PPIG: variants seen among roughly 807,000 people sequenced by gnomAD.
PPIG encodes the protein peptidylprolyl isomerase G.
In PPIG, 26 loss-of-function variants were observed where a neutral mutation model predicts 87.9. The observed-to-expected ratio is 0.30, with a 90% confidence interval of 0.22 to 0.41. The LOEUF is 0.41. Among genes scored for constraint, PPIG ranks in the 10% least tolerant of loss-of-function variants. PPIG has a pLI of 1.00. For missense variants in PPIG, 722 were observed against 879.4 expected (o/e 0.82, Z 2.26); for synonymous variants, 308 against 276.5 (o/e 1.11, Z -1.13).
chr2:169,607,233 A>G (rs1685357898), intron 6 of PPIG, 85 bp downstream of exon 6: 5 of 847,832 alleles, frequency 5.9e-6, no homozygotes, highest in Non-Finnish European at 9.2e-6. Context: ...AACATTATTC[A>G]TTAAAGGGTA....
At chr2:169,609,269 T>A (rs1198407381) in intron 7 of PPIG, among the ~76,000 whole-genome samples, 1 of 151,866 alleles carries the variant, frequency 6.6e-6, no homozygotes, top group Non-Finnish European at 1.5e-5. Flanking sequence ...AGTGCAGTGT[T>A]GCAATCATGG....
chr2:169,619,298 T>A (rs547233485), intron 9 of PPIG, among the ~76,000 whole-genome samples: 23 of 152,226 alleles, frequency 1.5e-4, no homozygotes, highest in African/African-American at 5.5e-4. Flanking sequence ...AATTATGTGG[T>A]CAATTTTAGA....
chr2:169,604,311 C>CTGGT (rs750354365), intron 4 of PPIG, 50 bp downstream of exon 4: 4 of 748,020 alleles, frequency 5.3e-6, no homozygotes, highest in Non-Finnish European at 8.4e-6. Context: ...TTGACTATGG[C>CTGGT]TTGCTTGCTT....
intron 1 of PPIG, among the ~76,000 whole-genome samples, chr2:169,595,317 C>T (rs530417482): frequency 1.6e-4 from 24 of 152,234 alleles, no homozygotes; most frequent in Admixed American, 2.6e-4. Flanking sequence ...TTATGGGTTA[C>T]GTGAGATATT....
rs760384585 is a variant in PPIG, at chr2:169,602,654, A to G, written c.-69-988A>G. ...TGTTTGTCAAAATGTGGCTACTGAA[A>G]AATTTTATACCTGGGTGGCTCATGT... On this transcript the variant is annotated intron_variant, in intron 1 of 13. Coordinates refer to ENST00000260970, the MANE Select transcript of PPIG (RefSeq NM_004792.3). 3.6e-4 allele frequency among the ~76,000 whole-genome samples: 55 copies of G among 152,178 alleles called. 1 individual carries two copies. The highest frequency in any genetic ancestry group is 2.0e-4 in the Admixed American group (3 of 15,284).
At chr2:169,619,416 G>C (rs1685684984) in intron 9 of PPIG, among the ~76,000 whole-genome samples, 1 of 152,170 alleles carries the variant, frequency 6.6e-6, no homozygotes, top group South Asian at 2.1e-4. Context: ...TTGAAATCCT[G>C]AATATCCTTG....
chr2:169,605,476 C>T (rs924469536), intron 4 of PPIG, among the ~76,000 whole-genome samples: 1 of 151,986 alleles, frequency 6.6e-6, no homozygotes. Context: ...GCACTCCAGC[C>T]TGGGCGACAA....
At chr2:169,632,198 A>G (rs1163227373) in intron 11 of PPIG, among the ~76,000 whole-genome samples, 1 of 152,250 alleles carries the variant, frequency 6.6e-6, no homozygotes, top group Non-Finnish European at 1.5e-5. Context: ...TTCCAAGCCA[A>G]TAACAAGATA....
chr2:169,605,898 T>A (rs1685313013), intron 4 of PPIG, 141 bp from the exon 5 acceptor site: 1 of 628,466 alleles, frequency 1.6e-6, no homozygotes, highest in Non-Finnish European at 2.8e-6. Flanking sequence ...TTAAATGAAT[T>A]TTTAAAAAAA....
Position 169,627,767 on chromosome 2 carries a change from C to T in PPIG, c.548-3007C>T, listed in dbSNP as rs1470382139. ...TGGGCTTGCTTTTAAAGTAAATCAA[C>T]TGTGATGTATTTCTCATAGGAAAGA... On this transcript the variant is annotated intron_variant, in intron 9 of 13. Transcript: ENST00000260970. Among the ~76,000 whole-genome samples the T allele has an allele frequency of 2.2e-5, 3 of 137,688 alleles. No individual in the cohort carries two copies. The East Asian group carries it at 6.7e-4, about 31-fold the overall frequency. 90.3% of individuals were successfully genotyped at this position (137,688 alleles called of 152,430 possible). A position where few individuals can be genotyped will look rare whatever the true frequency, so the allele number is the denominator to read the frequency against.
chr2:169,584,389 G>GA lies in PPIG; in HGVS notation c.-170dup, dbSNP rs146856309. ...TCCATGCCAGGACTGAGTTGTGGGG[G>GA]AGGGAGGCGGTTAGCGGGCTTTAGC... On this transcript the variant is annotated 5_prime_UTR_variant, in exon 1 of 14. The change creates a premature stop within an existing upstream ORF in the 5' untranslated region. Transcript: ENST00000260970. 9.3e-4 allele frequency: 436 copies of GA among 471,198 alleles called. 2 individuals are homozygous for GA. Among genetic ancestry groups the GA allele is most frequent in the Middle Eastern group, 2.0e-3 (6 of 3,074 alleles). 29.2% of individuals were successfully genotyped at this position (471,198 alleles called of 1,614,324 possible).
At chr2:169,619,761 T>C (rs950928417) in intron 9 of PPIG, among the ~76,000 whole-genome samples, 1 of 151,826 alleles carries the variant, frequency 6.6e-6, no homozygotes, top group Admixed American at 6.6e-5. Flanking sequence ...CTTTTTTTTT[T>C]ATAATAGCCA....
intron 1 of PPIG, among the ~76,000 whole-genome samples, chr2:169,595,135 C>T (rs1478217790): frequency 6.6e-6 from 1 of 152,088 alleles, no homozygotes; most frequent in African/African-American, 2.4e-5. Flanking sequence ...GCCATGTTGG[C>T]CAGGCTGTTC....
Position 169,636,923 on chromosome 2 carries a change from A to ACACAGTT in PPIG, c.1666_1672dup (p.Tyr558SerfsTer4). The ACACAGTT allele has an allele frequency of 6.2e-7, 1 of 1,614,016 alleles. No individual in the cohort carries two copies. ...GAGAATGTGATATAACTAAAGGTAA[A>ACACAGTT]CACAGTTATAATAGCAGAACAAGAG... On this transcript the variant is annotated frameshift_variant, in exon 14 of 14. Coordinates refer to ENST00000260970, the MANE Select transcript of PPIG (RefSeq NM_004792.3). LOFTEE classifies it high-confidence loss of function.
rs1686302240 is a variant in PPIG, at chr2:169,641,144, TG to T, written c.*3622del. ...TGTACAAAATTGTGGCCGCTCTCTT[TG>T]TGGAAGGAAAAAACATAAATGAAGT... On this transcript the variant is annotated 3_prime_UTR_variant, in exon 14 of 14. Transcript: ENST00000260970. 6.6e-6 allele frequency: 1 copy of T among 152,152 alleles called. No homozygotes were observed. Among genetic ancestry groups the T allele is most frequent in the Non-Finnish European group, 1.5e-5 (1 of 68,020 alleles). The allele number at this position is 152,152 out of a possible 1,614,324, so 9.4% of individuals were successfully genotyped here.
intron 9 of PPIG, among the ~76,000 whole-genome samples, chr2:169,621,232 G>T (rs1685738689): frequency 6.6e-6 from 1 of 151,626 alleles, no homozygotes; most frequent in Non-Finnish European, 1.5e-5. Context: ...GGTACATTTT[G>T]TTTTGTTTTA....
intron 1 of PPIG, among the ~76,000 whole-genome samples, chr2:169,590,926 G>C (rs918169944): frequency 2.6e-5 from 4 of 152,206 alleles, no homozygotes; most frequent in African/African-American, 9.7e-5. Context: ...AGGATTGCTT[G>C]AGCCACTGCG....
chr2:169,629,664 T>G (rs1685985197), intron 9 of PPIG, among the ~76,000 whole-genome samples: 1 of 152,232 alleles, frequency 6.6e-6, no homozygotes, highest in Admixed American at 6.5e-5. Flanking sequence ...GACTTGAAAT[T>G]CCTTTTAATG....
intron 12 of PPIG, 103 bp from the exon 13 acceptor site, chr2:169,635,989 C>G (rs1052052787): frequency 1.5e-6 from 1 of 678,900 alleles, no homozygotes; most frequent in African/African-American, 1.9e-5. Context: ...GTACCCCTTA[C>G]TACCTCCTGA....
Sources: allele counts gnomAD v4.1 joint callset (sites outside exome capture counted in the v4.1 genomes callset), GRCh38; gene constraint gnomAD v4.1.1; transcripts MANE v1.5; gene names NCBI Gene and HGNC (gene_info 2026-07-23, HGNC 2026-07-21).